Variants in ISM1 observed in about 807,000 individuals in gnomAD.
The protein encoded by ISM1 is isthmin-1.
Under a neutral mutation model 46.3 loss-of-function variants are expected in ISM1, and 25 were observed. The observed-to-expected ratio is 0.54, with a 90% CI of 0.39 to 0.75. ISM1 has a LOEUF of 0.75. Among genes scored for constraint, ISM1 ranks in the 30% least tolerant of loss-of-function variants. The pLI is 0.00. For missense variants in ISM1, 536 were observed against 625.4 expected (o/e 0.86, Z 1.52); for synonymous variants, 255 against 256.7 (o/e 0.99, Z 0.06).
At chr20:13,276,016 A>G (rs1189234438) in intron 2 of ISM1, among the ~76,000 whole-genome samples, 1 of 152,214 alleles carries the variant, frequency 6.6e-6, no homozygotes, top group African/African-American at 2.4e-5. Flanking sequence ...TTGTTCTTAG[A>G]GCATCAGCAG....
At chr20:13,310,893 T>C in the ISM1 span, among the ~76,000 whole-genome samples, 3 of 152,138 alleles carry the variant, frequency 2.0e-5, no homozygotes, top group Non-Finnish European at 4.4e-5. Context: ...AGGAAGATGT[T>C]TATCAAAAAA....
chr20:13,274,150 A>G (rs888044550), intron 2 of ISM1, among the ~76,000 whole-genome samples: 2 of 152,072 alleles, frequency 1.3e-5, no homozygotes, highest in African/African-American at 2.4e-5. Flanking sequence ...CCCATGCACC[A>G]CTGCACTTGT....
Position 13,298,951 on chromosome 20 carries a change from G to T in ISM1, c.887G>T (p.Ser296Ile), listed in dbSNP as rs1317028795. 6.2e-7 allele frequency: 1 copy of T among 1,613,216 alleles called. No individual in the cohort carries two copies. Among genetic ancestry groups the T allele is most frequent in the East Asian group, 2.2e-5 (1 of 44,876 alleles). ...ATKLFEVDTD[S>I]CERWMSCKSE... The stretch of plus-strand genomic sequence containing the variant: ...CTTTGGCCTTTTCCAGACACAGACA[G>T]CTGTGAGCGCTGGATGAGCTGCAAA... The change falls in exon 6 of 6, where the codon AGC becomes ATC. Residue 296 changes from serine to isoleucine, a missense_variant. Coordinates refer to ENST00000262487, the MANE Select transcript of ISM1 (RefSeq NM_080826.2).
At chr20:13,247,179 C>T (rs1016680393) in intron 1 of ISM1, among the ~76,000 whole-genome samples, 4 of 151,724 alleles carry the variant, frequency 2.6e-5, no homozygotes, top group African/African-American at 9.7e-5. Flanking sequence ...TTCAGTGAGC[C>T]GAGATCGCAC....
intron 3 of ISM1, among the ~76,000 whole-genome samples, chr20:13,286,976 T>C (rs990547029): frequency 6.6e-6 from 1 of 152,108 alleles, no homozygotes; most frequent in African/African-American, 2.4e-5. Flanking sequence ...AGAGCAGAGG[T>C]ACTGCAGAAA....
At chr20:13,247,729 A>G (rs2039815959) in intron 1 of ISM1, among the ~76,000 whole-genome samples, 1 of 152,176 alleles carries the variant, frequency 6.6e-6, no homozygotes, top group Admixed American at 6.5e-5. Flanking sequence ...TTCATAAAGG[A>G]GAGGAAACCT....
rs559205687 is a variant in ISM1, at chr20:13,221,609, C to T, written c.-168C>T. 4.8e-4 allele frequency among the ~76,000 whole-genome samples: 71 copies of T among 147,028 alleles called. No individual in the cohort carries two copies. In the East Asian group the frequency reaches 9.6e-3, roughly 20 times the overall value. On this transcript the variant is annotated 5_prime_UTR_variant, in exon 1 of 6. Coordinates refer to ENST00000262487, the MANE Select transcript of ISM1 (RefSeq NM_080826.2). ...CTCCTGCTCCCCCGGCCCCGCACACCCCGCCGCGCCCAGCGCCAGCCCCGC... is the reference window on the plus strand; with the variant it reads ...CTCCTGCTCCCCCGGCCCCGCACACTCCGCCGCGCCCAGCGCCAGCCCCGC...
rs141008888 is a variant in ISM1 at position 13,224,505 on chromosome 20, A to T, written c.138+2591A>T. Among the ~76,000 whole-genome samples the T allele has an allele frequency of 1.3e-3, 205 of 152,272 alleles. 1 individual carries two copies. The highest frequency in any genetic ancestry group is 0.011 in the Admixed American group (166 of 15,298). On this transcript the variant is annotated intron_variant, in intron 1 of 5. Transcript: ENST00000262487. ...AACCCAAGTCTTAAACATCATCTAA[A>T]TTTGTTGGTTCTGTGCTATCCTGAG...
At chr20:13,222,130 C>T (rs2039457431) in intron 1 of ISM1, among the ~76,000 whole-genome samples, 1 of 152,194 alleles carries the variant, frequency 6.6e-6, no homozygotes, top group Admixed American at 6.5e-5. Flanking sequence ...GGTCTGCGGG[C>T]TGCGCTCCTT....
intron 1 of ISM1, among the ~76,000 whole-genome samples, chr20:13,247,060 A>C (rs902910091): frequency 1.3e-5 from 2 of 152,168 alleles, no homozygotes. Flanking sequence ...ACATGGTGAA[A>C]CCCCGTCTCT....
intron 3 of ISM1, among the ~76,000 whole-genome samples, chr20:13,282,376 A>G (rs902123534): frequency 3.3e-5 from 5 of 152,196 alleles, no homozygotes; most frequent in African/African-American, 9.7e-5. Flanking sequence ...AGGTCACCAG[A>G]TGATTCTCTT....
the ISM1 span, among the ~76,000 whole-genome samples, chr20:13,321,885 G>A: frequency 7.9e-5 from 12 of 152,244 alleles, no homozygotes; most frequent in East Asian, 5.8e-4. Context: ...CTCCCTAATT[G>A]GCTGCATGCT....
chr20:13,307,563 A>G, the ISM1 span, among the ~76,000 whole-genome samples: 1 of 152,156 alleles, frequency 6.6e-6, no homozygotes, highest in African/African-American at 2.4e-5. Context: ...ATAAGGCAAA[A>G]CCAGCACTCC....
chr20:13,301,039 AT>A (rs1301655957), downstream of ISM1, among the ~76,000 whole-genome samples: 1 of 152,194 alleles, frequency 6.6e-6, no homozygotes, highest in Non-Finnish European at 1.5e-5. Flanking sequence ...ACATAAAGAC[AT>A]TGGACCCATC....
In ISM1 at chr20:13,270,554, C is replaced by G; in HGVS notation, c.189C>G (p.Leu63=). 1 of 1,613,890 alleles carries G rather than the reference C, an allele frequency of 6.2e-7. No homozygotes were observed. The highest frequency in any genetic ancestry group is 1.1e-5 in the South Asian group (1 of 91,058). ...CCACATCAGAAACCAGCTTTTCTCT[C>G]TCCAAAGAAGCACCAAGGGAGCATC... The part of the protein sequence containing the change: ...SDTTSETSFS[L]SKEAPREHLD... The change falls in exon 2 of 6, where the codon CTC becomes CTG. Residue 63 remains leucine (L), a synonymous_variant. Coordinates refer to ENST00000262487, the MANE Select transcript of ISM1 (RefSeq NM_080826.2).
intron 1 of ISM1, chr20:13,244,232 T>C (rs557529567): frequency 2.0e-5 from 3 of 152,092 alleles, no homozygotes; most frequent in African/African-American, 7.2e-5. Context: ...AAACTAAAAG[T>C]CTACAAGAGC....
chr20:13,311,259 A>AGATGATAGATAGATAGATG, the ISM1 span, among the ~76,000 whole-genome samples: 2 of 115,354 alleles, frequency 1.7e-5, no homozygotes, highest in South Asian at 4.9e-4. Flanking sequence ...ATAGATAGAT[A>AGATGATAGATAGATAGATG]GATAGATAGA....
chr20:13,236,609 C>T (rs1264547832), intron 1 of ISM1, among the ~76,000 whole-genome samples: 1 of 152,150 alleles, frequency 6.6e-6, no homozygotes, highest in African/African-American at 2.4e-5. Context: ...AAGGCAAGTA[C>T]CTTCTGCCTA....
downstream of ISM1, among the ~76,000 whole-genome samples, chr20:13,302,099 G>A (rs773109265): frequency 2.0e-5 from 3 of 152,206 alleles, no homozygotes; most frequent in Non-Finnish European, 2.9e-5. Context: ...GCAAGTTATG[G>A]AGCCATGTCT....
Sources: gnomAD v4.1 joint callset for allele counts (sites outside exome capture counted in the v4.1 genomes callset) on GRCh38, gnomAD v4.1.1 for gene constraint, MANE v1.5 for transcripts, NCBI Gene and HGNC (gene_info 2026-07-23, HGNC 2026-07-21) for gene names.